Variants in RBFOX3 observed in about 807,000 individuals in gnomAD.
RBFOX3 encodes RNA binding protein fox-1 homolog 3.
RBFOX3 carries 17 observed loss-of-function variants against 48.7 expected under a neutral mutation model. The observed-to-expected ratio is 0.35, with a 90% CI of 0.24 to 0.52. The LOEUF (loss-of-function observed/expected upper bound fraction) is 0.52. RBFOX3 is among the 20% of genes least tolerant of loss of function. The probability of loss-of-function intolerance (pLI) is 0.94; values close to 1 mark genes in which losing one functional copy is unlikely to be tolerated. For synonymous variants in RBFOX3, 212 were observed against 209.5 expected (o/e 1.01, Z -0.10); for missense variants, 382 against 497.5 (o/e 0.77, Z 2.21).
intron 3 of RBFOX3, among the ~76,000 whole-genome samples, chr17:79,300,543 T>C: frequency 6.6e-6 from 1 of 152,182 alleles, no homozygotes; most frequent in East Asian, 1.9e-4. Flanking sequence ...GTGGGTTAAA[T>C]AAGCTTAAAC....
chr17:79,563,073 CAAG>C (rs1169029184), intron 1 of RBFOX3, among the ~76,000 whole-genome samples: 1 of 152,202 alleles, frequency 6.6e-6, no homozygotes, highest in Admixed American at 6.5e-5. Flanking sequence ...GCGGGGGGAG[CAAG>C]AAGGCCTGGT....
At chr17:79,256,314 C>T (rs900619015) in intron 3 of RBFOX3, among the ~76,000 whole-genome samples, 17 of 152,102 alleles carry the variant, frequency 1.1e-4, no homozygotes, top group African/African-American at 2.2e-4. Flanking sequence ...AGCTAAATAA[C>T]GAGAAGGAAA....
chr17:79,514,418 G>A (rs1194945403), intron 1 of RBFOX3, among the ~76,000 whole-genome samples: 11 of 152,220 alleles, frequency 7.2e-5, no homozygotes. Flanking sequence ...TCTCACACCT[G>A]CCAGGTAGGT....
intron 1 of RBFOX3, among the ~76,000 whole-genome samples, chr17:79,603,466 C>T (rs893472880): frequency 1.7e-3 from 253 of 152,284 alleles, no homozygotes; most frequent in Non-Finnish European, 2.9e-3. Flanking sequence ...TGCCTGGCTT[C>T]GGGGTGTTCC....
Position 79,243,822 on chromosome 17 carries a change from G to A in RBFOX3, c.-73-8017C>T, listed in dbSNP as rs2062747236. 6.6e-6 allele frequency among the ~76,000 whole-genome samples: 1 copy of A among 152,098 alleles called. No homozygotes were observed. Among genetic ancestry groups the A allele is most frequent in the Non-Finnish European group, 1.5e-5 (1 of 68,026 alleles). ...CACAGCTTCCAAAGGGCAGAGCCAA[G>A]ACAAGAAGGCGCAATGCCACCAAGC... is the stretch of plus-strand genomic sequence containing the variant. On this transcript the variant is annotated intron_variant, in intron 3 of 14. Coordinates refer to ENST00000693108, the MANE Select transcript of RBFOX3 (RefSeq NM_001350451.2). This position sits in a 1 kb window ranked among gnomAD's most constrained non-coding sequence, Gnocchi z 7.9.
intron 4 of RBFOX3, among the ~76,000 whole-genome samples, chr17:79,215,153 T>G (rs925329202): frequency 2.0e-5 from 3 of 152,112 alleles, no homozygotes; most frequent in African/African-American, 7.2e-5. Flanking sequence ...GGGTTGGCTC[T>G]GGGGGAAGTG....
intron 1 of RBFOX3, among the ~76,000 whole-genome samples, chr17:79,510,602 G>A (rs1021547418): frequency 1.3e-5 from 2 of 152,332 alleles, no homozygotes; most frequent in African/African-American, 4.8e-5. Flanking sequence ...CAGGCCTGAG[G>A]TAGCCTGTCT....
intron 2 of RBFOX3, among the ~76,000 whole-genome samples, chr17:79,400,374 C>T (rs1460880977): frequency 6.6e-6 from 1 of 152,314 alleles, no homozygotes; most frequent in Middle Eastern, 3.4e-3. Flanking sequence ...TCTGCCGTCA[C>T]GGGGCCTTTT....
chr17:79,211,534 T>C (rs1299399042), intron 4 of RBFOX3, among the ~76,000 whole-genome samples: 1 of 152,120 alleles, frequency 6.6e-6, no homozygotes, highest in African/African-American at 2.4e-5. Context: ...TGGCGTGCAG[T>C]TAACAGGGAT....
chr17:79,332,087 C>T (rs2146359687), intron 2 of RBFOX3, among the ~76,000 whole-genome samples: 1 of 152,330 alleles, frequency 6.6e-6, no homozygotes. Context: ...GCTCTGGTCC[C>T]ACCTACAGGG....
intron 1 of RBFOX3, among the ~76,000 whole-genome samples, chr17:79,560,461 T>C (rs1447692479): frequency 6.6e-6 from 1 of 152,176 alleles, no homozygotes; most frequent in Non-Finnish European, 1.5e-5. Context: ...TCAGGACCAG[T>C]CAGAACAGGT....
At position 79,090,769 on chromosome 17, in the gene RBFOX3, G is replaced by GTTT. The variant is rs148863918; in HGVS notation, c.*111_*113dup. ...GGTTGGATGCCTCTTGGTTTGGTTG[G>GTTT]TTTTTTTTTTGTTGCTTGGATCTTA... On this transcript the variant is annotated 3_prime_UTR_variant, in exon 15 of 15. Coordinates refer to ENST00000693108, the MANE Select transcript of RBFOX3 (RefSeq NM_001350451.2). The GTTT allele has an allele frequency of 1.2e-4, 137 of 1,154,662 alleles. No homozygotes were observed. Among genetic ancestry groups the GTTT allele is most frequent in the African/African-American group, 1.1e-3 (70 of 62,540 alleles). 71.5% of individuals were successfully genotyped at this position (1,154,662 alleles called of 1,614,324 possible).
intron 4 of RBFOX3, among the ~76,000 whole-genome samples, chr17:79,122,207 G>A (rs1044262698): frequency 1.3e-5 from 2 of 152,118 alleles, no homozygotes; most frequent in African/African-American, 4.8e-5. Context: ...ACCGCCCACT[G>A]CTCCCACCTT....
chr17:79,589,049 A>G (rs1323134979), intron 1 of RBFOX3, among the ~76,000 whole-genome samples: 1 of 151,938 alleles, frequency 6.6e-6, no homozygotes, highest in Non-Finnish European at 1.5e-5. Flanking sequence ...GACCTGGGCC[A>G]TATAGTGAGA....
chr17:79,544,797 C>A (rs1241168925), intron 1 of RBFOX3, among the ~76,000 whole-genome samples: 1 of 151,904 alleles, frequency 6.6e-6, no homozygotes, highest in African/African-American at 2.4e-5. Flanking sequence ...CCGCCCTCCC[C>A]CCACCTTCTA....
chr17:79,417,780 C>T (rs543659385), intron 2 of RBFOX3, among the ~76,000 whole-genome samples: 3 of 152,376 alleles, frequency 2.0e-5, no homozygotes, highest in South Asian at 2.1e-4. Flanking sequence ...TTCGTGTTCA[C>T]GGCAGCATCA....
chr17:79,642,201 A>G, the RBFOX3 span, among the ~76,000 whole-genome samples: 1 of 152,186 alleles, frequency 6.6e-6, no homozygotes, highest in East Asian at 1.9e-4. Context: ...GATGGCTGCC[A>G]TTGCTGAAGG....
intron 1 of RBFOX3, among the ~76,000 whole-genome samples, chr17:79,593,417 C>T (rs1405388798): frequency 4.6e-5 from 7 of 152,086 alleles, no homozygotes; most frequent in African/African-American, 1.2e-4. Context: ...GCTTTTTTAA[C>T]GCTGTTAGGC....
At chr17:79,206,889 C>A (rs564661123) in intron 4 of RBFOX3, among the ~76,000 whole-genome samples, 1 of 152,192 alleles carries the variant, frequency 6.6e-6, no homozygotes, top group Admixed American at 6.5e-5. Flanking sequence ...CTCATTGACT[C>A]AATAGTACAC....
Sources: allele counts gnomAD v4.1 joint callset (sites outside exome capture counted in the v4.1 genomes callset), GRCh38; gene constraint gnomAD v4.1.1; non-coding constraint Gnocchi (gnomAD v3.1); transcripts MANE v1.5; gene names NCBI Gene and HGNC (gene_info 2026-07-23, HGNC 2026-07-21).